Variants in EFHB observed in about 807,000 individuals in gnomAD.
The protein encoded by EFHB is EF-hand domain family member B, also known as EF-hand domain-containing family member B.
Under a neutral mutation model 87.2 loss-of-function variants are expected in EFHB, and 91 were observed. That is an observed-to-expected ratio of 1.04 (90% CI 0.88 to 1.24). The LOEUF (loss-of-function observed/expected upper bound fraction) is 1.24, where lower values mean the gene tolerates loss of function less well. Among genes scored for constraint, EFHB ranks in the 50% most tolerant of loss-of-function variants. The probability of loss-of-function intolerance (pLI) is 0.00; values close to 1 mark genes in which losing one functional copy is unlikely to be tolerated. For synonymous variants in EFHB, 325 were observed against 333.6 expected, an observed-to-expected ratio of 0.97 and a Z score of 0.28; for missense variants, 1,084 against 998.8, an observed-to-expected ratio of 1.09 and a Z score of -1.15.
chr3:19,900,731 C>G (rs150091040), intron 6 of EFHB, among the ~76,000 whole-genome samples: 146 of 152,096 alleles, frequency 9.6e-4, no homozygotes, highest in Non-Finnish European at 1.7e-3. Context: ...GAGTTCAAGA[C>G]CAGCCTGACC....
At chr3:19,909,746 TCAGCCA>T (rs957870762) in intron 5 of EFHB, among the ~76,000 whole-genome samples, 1 of 152,034 alleles carries the variant, frequency 6.6e-6, no homozygotes, top group African/African-American at 2.4e-5. Context: ...GGACACCACC[TCAGCCA>T]CAGCAAGATA....
At chr3:19,902,442 C>A (rs1303300447) in intron 6 of EFHB, among the ~76,000 whole-genome samples, 2 of 152,120 alleles carry the variant, frequency 1.3e-5, no homozygotes, top group African/African-American at 4.8e-5. Context: ...TAAACCTCCA[C>A]CTCCCGGGTT....
chr3:19,917,135 C>T (rs1037135947), intron 4 of EFHB, among the ~76,000 whole-genome samples: 4 of 151,644 alleles, frequency 2.6e-5, no homozygotes, highest in Non-Finnish European at 2.9e-5. Flanking sequence ...GTCTGGGAGG[C>T]CAAGGTGGGA....
intron 9 of EFHB, among the ~76,000 whole-genome samples, chr3:19,895,534 T>C (rs1694452891): frequency 6.6e-6 from 1 of 151,902 alleles, no homozygotes; most frequent in Non-Finnish European, 1.5e-5. Context: ...TCAACAGCTA[T>C]TAAGATGATC....
At chr3:19,901,972 C>T (rs1403174622) in intron 6 of EFHB, among the ~76,000 whole-genome samples, 2 of 151,716 alleles carry the variant, frequency 1.3e-5, no homozygotes, top group African/African-American at 4.8e-5. Context: ...AAATCAGCTC[C>T]AAGGTACATA....
Position 19,934,132 on chromosome 3 carries a change from G to T in EFHB, c.-114C>A. The T allele has an allele frequency of 6.8e-7, 1 of 1,459,994 alleles. No homozygotes were observed. Among genetic ancestry groups the T allele is most frequent in the Non-Finnish European group, 9.0e-7 (1 of 1,113,368 alleles). The allele number at this position is 1,459,994 out of a possible 1,614,324, so 90.4% of individuals were successfully genotyped here. The stretch of plus-strand genomic sequence containing the variant: ...TGCGGAACCCCTCTCTCAGGAAAGA[G>T]CACAACCTCACTCGGACTCCCTGTC... On this transcript the variant is annotated 5_prime_UTR_variant, in exon 1 of 13. Coordinates refer to ENST00000295824, the MANE Select transcript of EFHB (RefSeq NM_144715.4).
chr3:19,939,367 CTCCTTTTTTTT>C (rs1696096400), intron 1 of EFHB, among the ~76,000 whole-genome samples: 2 of 102,486 alleles, frequency 2.0e-5, no homozygotes, highest in African/African-American at 7.9e-5. Context: ...TGGGTTGGGT[CTCCTTTTTTTT>C]TTTTTTTTTT....
chr3:19,919,921 C>T lies in EFHB; in HGVS notation c.908G>A (p.Gly303Glu). ...TCTTCCGTAAAATACTCTTTCTACT[C>T]CAGCAGGTGGATATCTGAAGTTGAA... is the stretch of plus-strand genomic sequence containing the variant. ...KYFNFRYPPA[G>E]VERVFYGRAN... Residue 303 changes from glycine (G) to glutamate (E), a missense_variant, in exon 3 of 13, where the codon GGA (glycine) becomes GAA (glutamate). By Grantham distance (98) the Gly-to-Glu change is moderately conservative. Coordinates refer to ENST00000295824, the MANE Select transcript of EFHB (RefSeq NM_144715.4). 1 of 1,613,708 alleles carries T rather than the reference C, an allele frequency of 6.2e-7. No individual in the cohort carries two copies.
intron 9 of EFHB, 32 bp downstream of exon 9, chr3:19,896,655 G>C: frequency 6.2e-7 from 1 of 1,613,826 alleles, no homozygotes; most frequent in Non-Finnish European, 8.5e-7. Flanking sequence ...GTAAGCCCAT[G>C]CATTACCAAA....
intron 6 of EFHB, among the ~76,000 whole-genome samples, chr3:19,904,367 C>G (rs1694769835): frequency 6.6e-6 from 1 of 152,040 alleles, no homozygotes; most frequent in Non-Finnish European, 1.5e-5. Flanking sequence ...TCATTTCTTG[C>G]TTTTTTTGTT....
upstream of EFHB, chr3:19,936,472 G>C (rs1696024708): frequency 9.0e-6 from 4 of 446,900 alleles, no homozygotes; most frequent in Non-Finnish European, 1.6e-5. Flanking sequence ...GCTGAGGTGG[G>C]AGGATCACTT....
At chr3:19,942,238 A>C (rs1322237718) in intron 1 of EFHB, 3 of 152,482 alleles carry the variant, frequency 2.0e-5, no homozygotes, top group African/African-American at 7.2e-5. Flanking sequence ...CTTTTGCCTA[A>C]GGCATAAGCA....
upstream of EFHB, among the ~76,000 whole-genome samples, chr3:19,936,611 T>C (rs1696027715): frequency 6.6e-6 from 1 of 152,066 alleles, no homozygotes; most frequent in African/African-American, 2.4e-5. Flanking sequence ...CTCATACCTG[T>C]AATCCCAGCA....
chr3:19,915,357 C>A lies in EFHB; in HGVS notation c.1234G>T (p.Glu412Ter). 6.2e-7 allele frequency: 1 copy of A among 1,613,310 alleles called. No homozygotes were observed. Among genetic ancestry groups the A allele is most frequent in the Non-Finnish European group, 8.5e-7 (1 of 1,179,508 alleles). The change falls in exon 5 of 13, where the codon GAA (glutamate) becomes TAA (stop). Residue 412 changes from glutamate to a stop codon, truncating the protein, a stop_gained. Transcript: ENST00000295824. LOFTEE classifies it high-confidence loss of function. ...TACAAATCATGTCCTTCATTTCCTT[C>A]TTTAAATACTTCTTCATAGGATTTT... Reference protein sequence around the residue: ...PPKSYEEVFKEGNEGHDLYVV... With the variant: ...PPKSYEEVFK
At chr3:19,883,886 A>G (rs1269823224) in intron 11 of EFHB, among the ~76,000 whole-genome samples, 1 of 152,206 alleles carries the variant, frequency 6.6e-6, no homozygotes, top group Non-Finnish European at 1.5e-5. Context: ...ACAATCCACC[A>G]GAGGAACCAA....
At chr3:19,913,500 T>C (rs1452531789) in intron 5 of EFHB, among the ~76,000 whole-genome samples, 4 of 152,154 alleles carry the variant, frequency 2.6e-5, no homozygotes, top group African/African-American at 9.7e-5. Context: ...TAATCAAAGA[T>C]TTCTATAATG....
intron 1 of EFHB, among the ~76,000 whole-genome samples, chr3:19,931,027 G>A (rs1695812883): frequency 6.6e-6 from 1 of 152,148 alleles, no homozygotes; most frequent in South Asian, 2.1e-4. Context: ...AGCCGGGTGT[G>A]GTGGCATGCT....
chr3:19,923,793 T>A (rs1695521354), intron 1 of EFHB, among the ~76,000 whole-genome samples: 1 of 152,180 alleles, frequency 6.6e-6, no homozygotes, highest in African/African-American at 2.4e-5. Flanking sequence ...ACAAAAGAGA[T>A]TACCTGAGAG....
intron 9 of EFHB, among the ~76,000 whole-genome samples, chr3:19,889,774 G>A (rs936957737): frequency 6.6e-6 from 1 of 152,158 alleles, no homozygotes; most frequent in Admixed American, 6.5e-5. Flanking sequence ...GCTCATGCCT[G>A]TAATCCCAGC....
Sources: allele counts gnomAD v4.1 joint callset (sites outside exome capture counted in the v4.1 genomes callset), GRCh38; gene constraint gnomAD v4.1.1; transcripts MANE v1.5; gene names NCBI Gene and HGNC (gene_info 2026-07-23, HGNC 2026-07-21).